SLC25A46: variants seen among roughly 807,000 people sequenced by gnomAD.
SLC25A46 encodes mitochondrial outer membrane protein SLC25A46.
SLC25A46 carries 39 observed loss-of-function variants against 44.6 expected under a neutral mutation model. That is an observed-to-expected ratio of 0.87 (90% CI 0.68 to 1.14). The LOEUF is 1.14. SLC25A46 is among the 50% of genes most tolerant of loss of function. The pLI, the probability that SLC25A46 is intolerant of heterozygous loss-of-function variation, is 0.00. For synonymous variants in SLC25A46, 202 were observed against 185.8 expected (o/e 1.09, Z -0.71); for missense variants, 547 against 522.7 (o/e 1.05, Z -0.45).
At chr5:110,738,877 G>C (rs1799499052), upstream of SLC25A46, 33 of 948,190 alleles carry the variant, frequency 3.5e-5, 1 homozygote, top group South Asian at 5.7e-4. Context: ...ATTCCCTAAC[G>C]ACAACAAACT....
chr5:110,759,998 G>T (rs1235237355), intron 7 of SLC25A46, among the ~76,000 whole-genome samples: 1 of 152,132 alleles, frequency 6.6e-6, no homozygotes, highest in Non-Finnish European at 1.5e-5. Flanking sequence ...GACATCGTAA[G>T]TTGGAAACCA....
intron 4 of SLC25A46, among the ~76,000 whole-genome samples, chr5:110,747,756 T>C (rs181494773): frequency 3.3e-5 from 5 of 152,148 alleles, no homozygotes; most frequent in Admixed American, 2.6e-4. Context: ...AGATATATTG[T>C]TTGGACACTA....
rs1344450092 is a variant in SLC25A46, at chr5:110,762,101, T to C, written c.*319T>C. 3 of 238,146 alleles carry C rather than the reference T, an allele frequency of 1.3e-5. No individual in the cohort carries two copies. The East Asian group carries it at 3.2e-4, about 25-fold the overall frequency. 14.8% of individuals were successfully genotyped at this position (238,146 alleles called of 1,614,324 possible). A position where few individuals can be genotyped will look rare whatever the true frequency, so the allele number is the denominator to read the frequency against. On this transcript the variant is annotated 3_prime_UTR_variant, in exon 8 of 8. Coordinates refer to ENST00000355943, the MANE Select transcript of SLC25A46 (RefSeq NM_138773.4). ...AATCTAAAACAAAACTTTATAGAGT[T>C]GAATCTATTCCATCTGACTTCAATA...
intron 5 of SLC25A46, among the ~76,000 whole-genome samples, chr5:110,749,575 TA>T (rs1799909560): frequency 6.6e-6 from 1 of 151,728 alleles, no homozygotes; most frequent in Non-Finnish European, 1.5e-5. Context: ...AAATTGGAAA[TA>T]GCATAAGATG....
In SLC25A46 at chr5:110,739,214, C is replaced by T; in HGVS notation, c.95C>T (p.Ser32Phe). ...TTTGGCGGCGCCTTCCCTGCAAGGT[C>T]CTTCAGCACCGGGTCGGACCTGGGC... Reference protein sequence around the residue: ...QGFGGAFPARSFSTGSDLGHW... With the variant: ...QGFGGAFPARFFSTGSDLGHW... The change falls in exon 1 of 8, where the codon TCC (serine) becomes TTC (phenylalanine). Residue 32 changes from serine to phenylalanine, a missense_variant. Ser to Phe is a radical substitution (Grantham distance 155, BLOSUM62 -2). Transcript: ENST00000355943. The T allele has an allele frequency of 1.3e-6, 2 of 1,571,390 alleles. No individual in the cohort carries two copies. Among genetic ancestry groups the T allele is most frequent in the Non-Finnish European group, 1.7e-6 (2 of 1,158,710 alleles).
chr5:110,739,334 C>T lies in SLC25A46; in HGVS notation c.215C>T (p.Pro72Leu), dbSNP rs867218123. ...TACGGCGTGCCCACCACCTCCACCC[C>T]GTACGAAGGCCCCACGGAGGAACCC... ...PPYGVPTTSTPYEGPTEEPFS... is the reference protein window; with the variant it reads ...PPYGVPTTSTLYEGPTEEPFS... Residue 72 changes from proline to leucine, a missense_variant, in exon 1 of 8, where the codon CCG (proline) becomes CTG (leucine). Coordinates refer to ENST00000355943, the MANE Select transcript of SLC25A46 (RefSeq NM_138773.4). The T allele has an allele frequency of 1.0e-5, 16 of 1,565,056 alleles. No homozygotes were observed. Among genetic ancestry groups the T allele is most frequent in the Non-Finnish European group, 1.3e-5 (15 of 1,155,748 alleles).
rs903605999 is a variant in SLC25A46 at position 110,763,799 on chromosome 5, T to C, written c.*2017T>C. 2 of 151,824 alleles carry C rather than the reference T, an allele frequency of 1.3e-5. No individual in the cohort carries two copies. Among genetic ancestry groups the C allele is most frequent in the African/African-American group, 2.4e-5 (1 of 41,406 alleles). The allele number at this position is 151,824 out of a possible 1,614,324, so 9.4% of individuals were successfully genotyped here. On this transcript the variant is annotated 3_prime_UTR_variant, in exon 8 of 8. Coordinates refer to ENST00000355943, the MANE Select transcript of SLC25A46 (RefSeq NM_138773.4). ...ACAAATAAGGTTGATCTTGTTTTCC[T>C]TTTTGGAGAAAGAGAATACAAATTA...
At chr5:110,739,569 C>A (rs1416505775) in intron 1 of SLC25A46, among the ~76,000 whole-genome samples, 167 bp downstream of exon 1, 1 of 152,206 alleles carries the variant, frequency 6.6e-6, no homozygotes, top group Non-Finnish European at 1.5e-5. Flanking sequence ...AGGCTGGCCT[C>A]CTCTTCCTCA....
rs956676307 is a variant in SLC25A46, at chr5:110,739,094, G to A, written c.-26G>A. 12 of 1,540,798 alleles carry A rather than the reference G, an allele frequency of 7.8e-6. No homozygotes were observed. The highest frequency in any genetic ancestry group is 1.0e-5 in the Non-Finnish European group (12 of 1,145,790). Reference sequence around the variant, plus strand: ...CCCGGTGGTGGTGGGCTCCGGGCGGGCTCGCGTCATCCTGCCCCCGCTGCG... The same window carrying A: ...CCCGGTGGTGGTGGGCTCCGGGCGGACTCGCGTCATCCTGCCCCCGCTGCG... On this transcript the variant is annotated 5_prime_UTR_variant, in exon 1 of 8. Transcript: ENST00000355943.
Position 110,763,633 on chromosome 5 carries a change from C to A in SLC25A46, c.*1851C>A, listed in dbSNP as rs888728687. On this transcript the variant is annotated 3_prime_UTR_variant, in exon 8 of 8. Coordinates refer to ENST00000355943, the MANE Select transcript of SLC25A46 (RefSeq NM_138773.4). ...GAATCTGAATAGAATCAAGTATTTA[C>A]TAGTGAAAATCTGTAGGATCCTTTG... 1.3e-5 allele frequency: 2 copies of A among 151,716 alleles called. No individual in the cohort carries two copies. Among genetic ancestry groups the A allele is most frequent in the Admixed American group, 1.3e-4 (2 of 15,170 alleles). 9.4% of individuals were successfully genotyped at this position (151,716 alleles called of 1,614,324 possible).
chr5:110,762,209 C>T lies in SLC25A46; in HGVS notation c.*427C>T, dbSNP rs1044766192. 1.3e-5 allele frequency: 2 copies of T among 155,284 alleles called. No individual in the cohort carries two copies. The highest frequency in any genetic ancestry group is 2.4e-5 in the African/African-American group (1 of 41,372). The allele number at this position is 155,284 out of a possible 1,614,324, so 9.6% of individuals were successfully genotyped here. The stretch of plus-strand genomic sequence containing the variant: ...GTGTAGTATATTAATGTCCTTAATA[C>T]AATCAGGAGGTTTTTACCTTTAAGC... On this transcript the variant is annotated 3_prime_UTR_variant, in exon 8 of 8. Coordinates refer to ENST00000355943, the MANE Select transcript of SLC25A46 (RefSeq NM_138773.4).
intron 7 of SLC25A46, among the ~76,000 whole-genome samples, chr5:110,759,367 G>A (rs1447093884): frequency 3.3e-5 from 5 of 152,082 alleles, no homozygotes; most frequent in Admixed American, 3.3e-4. Context: ...GTAGAGGGAA[G>A]GCAAGTGCAA....
At chr5:110,744,213 G>GTTTA (rs1363865103) in intron 3 of SLC25A46, among the ~76,000 whole-genome samples, 2 of 152,144 alleles carry the variant, frequency 1.3e-5, no homozygotes, top group Non-Finnish European at 2.9e-5. Flanking sequence ...AAGCAAGGAA[G>GTTTA]TTTAGTCTTG....
chr5:110,739,510 A>G, intron 1 of SLC25A46, 108 bp downstream of exon 1: 1 of 1,409,066 alleles, frequency 7.1e-7, no homozygotes, highest in Non-Finnish European at 9.3e-7. Context: ...ATTCCTTCTC[A>G]TCCTATCGCG....
At chr5:110,751,661 G>A (rs1799971993) in intron 5 of SLC25A46, among the ~76,000 whole-genome samples, 2 of 152,154 alleles carry the variant, frequency 1.3e-5, no homozygotes, top group South Asian at 4.1e-4. Flanking sequence ...GTGAATAAAA[G>A]GAGACATCTT....
chr5:110,740,883 C>T (rs1315567691), intron 1 of SLC25A46, among the ~76,000 whole-genome samples: 2 of 152,142 alleles, frequency 1.3e-5, no homozygotes, highest in Non-Finnish European at 2.9e-5. Context: ...ACCCGGGAGG[C>T]GGAGCTTGCA....
intron 3 of SLC25A46, among the ~76,000 whole-genome samples, chr5:110,744,318 C>A (rs567875337): frequency 2.9e-4 from 44 of 152,176 alleles, no homozygotes; most frequent in African/African-American, 1.0e-3. Flanking sequence ...CTCACTGTGT[C>A]GCAGTTTCTT....
rs1799819389 is a variant in SLC25A46, at chr5:110,746,347, G to A, written c.462+1G>A. ...TATGTACAGTTTCAACAAAACTCAG[G>A]TGAGAATTTTGTCTGGATTCTATTA... is the stretch of plus-strand genomic sequence containing the variant. On this transcript the variant is annotated splice_donor_variant, in intron 4 of 7. Transcript: ENST00000355943. LOFTEE classifies it high-confidence loss of function. 1 of 1,574,176 alleles carries A rather than the reference G, an allele frequency of 6.4e-7. No individual in the cohort carries two copies. The highest frequency in any genetic ancestry group is 8.6e-7 in the Non-Finnish European group (1 of 1,163,448).
chr5:110,749,104 A>C (rs1799892318), intron 5 of SLC25A46, among the ~76,000 whole-genome samples: 2 of 150,682 alleles, frequency 1.3e-5, no homozygotes, highest in South Asian at 4.2e-4. Context: ...GTCGATGGTC[A>C]TTATGTTAGC....
Sources: gnomAD v4.1 joint callset for allele counts (sites outside exome capture counted in the v4.1 genomes callset) on GRCh38, gnomAD v4.1.1 for gene constraint, MANE v1.5 for transcripts, NCBI Gene and HGNC (gene_info 2026-07-23, HGNC 2026-07-21) for gene names.